IL33: variants seen among roughly 807,000 people sequenced by gnomAD.
IL33 encodes the protein interleukin-33.
IL33 carries 37 observed loss-of-function variants against 27.3 expected under a neutral mutation model. The observed-to-expected ratio is 1.36, with a 90% CI of 1.04 to 1.78. The LOEUF is 1.78. Ranked by LOEUF, IL33 falls within the 40% of genes most tolerant of loss-of-function variation. The pLI is 0.00. For synonymous variants in IL33, 132 were observed against 102.9 expected, an observed-to-expected ratio of 1.28 and a Z score of -1.71; for missense variants, 406 against 311.4, an observed-to-expected ratio of 1.30 and a Z score of -2.29.
chr9:6,240,097 T>A (rs972364487), intron 1 of IL33, among the ~76,000 whole-genome samples: 4 of 152,206 alleles, frequency 2.6e-5, no homozygotes, highest in African/African-American at 9.6e-5. Flanking sequence ...AGTACCAGTA[T>A]TTCCACTATC....
intron 2 of IL33, among the ~76,000 whole-genome samples, chr9:6,244,192 C>A (rs1819694486): frequency 6.6e-6 from 1 of 152,086 alleles, no homozygotes; most frequent in Non-Finnish European, 1.5e-5. Flanking sequence ...GGAACAGTGG[C>A]CCTAACTACT....
intron 1 of IL33, 145 bp downstream of exon 1, chr9:6,215,997 A>G (rs1191870156): frequency 6.6e-6 from 1 of 152,214 alleles, no homozygotes. Flanking sequence ...GTAAAAGTCA[A>G]TGACAATAGC....
chr9:6,245,840 ATCATGAGG>A (rs1344367202), intron 2 of IL33, among the ~76,000 whole-genome samples: 1 of 151,998 alleles, frequency 6.6e-6, no homozygotes, highest in Non-Finnish European at 1.5e-5. Context: ...AGGCGGGCGG[ATCATGAGG>A]TCAAGAGATT....
intron 1 of IL33, among the ~76,000 whole-genome samples, chr9:6,222,524 C>G (rs1477824308): frequency 6.6e-6 from 1 of 152,134 alleles, no homozygotes; most frequent in African/African-American, 2.4e-5. Flanking sequence ...CTTTTCATAA[C>G]CTGTTCTATA....
At position 6,256,110 on chromosome 9, in the gene IL33, T is replaced by C. The variant is rs778219414; in HGVS notation, c.755T>C (p.Val252Ala). Reference protein sequence around the residue: ...VKDNHLALIKVDSSENLCTEN... With the variant: ...VKDNHLALIKADSSENLCTEN... ...GATAATCATCTTGCTCTGATTAAAG[T>C]AGACTCTTCTGAGAATTTGTGTACT... The change falls in exon 8 of 8, where the codon GTA (valine) becomes GCA (alanine). Residue 252 changes from valine (V) to alanine (A), a missense_variant. Physicochemically the swap from Val to Ala is moderately conservative, Grantham distance 64 (BLOSUM62 0). Coordinates refer to ENST00000682010, the MANE Select transcript of IL33 (RefSeq NM_033439.4). The C allele has an allele frequency of 2.5e-6, 4 of 1,613,344 alleles. No homozygotes were observed. Among genetic ancestry groups the C allele is most frequent in the Admixed American group, 1.7e-5 (1 of 59,946 alleles).
chr9:6,256,389 T>C lies in IL33; in HGVS notation c.*221T>C. On this transcript the variant is annotated 3_prime_UTR_variant, in exon 8 of 8. Transcript: ENST00000682010. ...CATCTTCAATACAAGTATCAGTATA[T>C]TAAATAGGGTATTGGTAAAGAAACG... The C allele has an allele frequency of 1.8e-6, 1 of 543,792 alleles. No individual in the cohort carries two copies. Among genetic ancestry groups the C allele is most frequent in the Admixed American group, 3.4e-5 (1 of 29,274 alleles). 33.7% of individuals were successfully genotyped at this position (543,792 alleles called of 1,614,324 possible). A position where few individuals can be genotyped will look rare whatever the true frequency, so the allele number is the denominator to read the frequency against.
chr9:6,238,682 G>A (rs529173180), intron 1 of IL33, among the ~76,000 whole-genome samples: 2 of 152,156 alleles, frequency 1.3e-5, no homozygotes. Context: ...TGTAACCACT[G>A]CTGGGATAAT....
intron 1 of IL33, among the ~76,000 whole-genome samples, chr9:6,222,495 T>C (rs540411646): frequency 1.3e-5 from 2 of 152,342 alleles, no homozygotes; most frequent in East Asian, 3.9e-4. Flanking sequence ...TTGTGGAATA[T>C]ATTACATGCT....
In IL33 at chr9:6,241,724, C is replaced by G; in HGVS notation, c.30C>G (p.Asn10Lys). The G allele has an allele frequency of 6.2e-7, 1 of 1,611,422 alleles. No individual in the cohort carries two copies. Residue 10 changes from asparagine (N) to lysine (K), a missense_variant, in exon 2 of 8, where the codon AAC becomes AAG. Transcript: ENST00000682010. MKPKMKYST[N>K]KISTAKWKNT... ...AGCCTAAAATGAAGTATTCAACCAACAAAATTTCCACAGCAAAGTGGAAGA... is the reference window on the plus strand; with the variant it reads ...AGCCTAAAATGAAGTATTCAACCAAGAAAATTTCCACAGCAAAGTGGAAGA...
At chr9:6,238,541 G>C (rs1232539257) in intron 1 of IL33, among the ~76,000 whole-genome samples, 2 of 152,200 alleles carry the variant, frequency 1.3e-5, no homozygotes, top group African/African-American at 2.4e-5. Flanking sequence ...TCAGCCTCCA[G>C]AGGTTTGTCC....
Position 6,252,885 on chromosome 9 carries a change from G to C in IL33, c.363G>C (p.Glu121Asp). 2.5e-6 allele frequency: 4 copies of C among 1,606,694 alleles called. No homozygotes were observed. Among genetic ancestry groups the C allele is most frequent in the Non-Finnish European group, 3.4e-6 (4 of 1,177,586 alleles). The stretch of plus-strand genomic sequence containing the variant: ...CAACAGGAATTTCACCTATTACAGA[G>C]TATCTTGCTTCTCTAAGCACATACA... ...SSITGISPIT[E>D]YLASLSTYND... The change falls in exon 5 of 8, where the codon GAG becomes GAC. Residue 121 changes from glutamate (E) to aspartate (D), a missense_variant. Physicochemically the swap from Glu to Asp is conservative, Grantham distance 45. Transcript: ENST00000682010.
At chr9:6,228,278 T>C (rs1818738812) in intron 1 of IL33, among the ~76,000 whole-genome samples, 1 of 152,032 alleles carries the variant, frequency 6.6e-6, no homozygotes, top group Non-Finnish European at 1.5e-5. Flanking sequence ...ACTTCAGTCC[T>C]GGTTACAGAC....
chr9:6,240,660 A>G (rs1819475806), intron 1 of IL33, among the ~76,000 whole-genome samples: 1 of 152,212 alleles, frequency 6.6e-6, no homozygotes. Context: ...AGGTGAGTTA[A>G]TAAGTAGTGA....
At chr9:6,241,542 A>T in intron 1 of IL33, 142 bp from the exon 2 acceptor site, 1 of 542,092 alleles carries the variant, frequency 1.8e-6, no homozygotes, top group Non-Finnish European at 3.4e-6. Context: ...ATGCATAGTT[A>T]GAATACTACG....
intron 1 of IL33, among the ~76,000 whole-genome samples, chr9:6,227,293 T>C (rs1199824410): frequency 2.0e-5 from 3 of 152,250 alleles, no homozygotes; most frequent in African/African-American, 7.2e-5. Flanking sequence ...CTTTATGTAA[T>C]TCTTCCTCTT....
chr9:6,225,596 C>T (rs1293458270), intron 1 of IL33, among the ~76,000 whole-genome samples: 1 of 152,222 alleles, frequency 6.6e-6, no homozygotes, highest in East Asian at 1.9e-4. Context: ...CTGCAAATAT[C>T]AAATGTTTAT....
intron 1 of IL33, among the ~76,000 whole-genome samples, chr9:6,221,408 C>T (rs1422625675): frequency 6.6e-6 from 1 of 152,178 alleles, no homozygotes; most frequent in South Asian, 2.1e-4. Flanking sequence ...ATGCTTACAT[C>T]TGGCTGTCCA....
intron 1 of IL33, among the ~76,000 whole-genome samples, chr9:6,220,357 T>C (rs1213845330): frequency 6.6e-6 from 1 of 152,212 alleles, no homozygotes; most frequent in Non-Finnish European, 1.5e-5. Context: ...ATTTCCGACA[T>C]AGTTCCTAGC....
chr9:6,224,727 A>G lies in IL33; in HGVS notation c.-12+8875A>G, dbSNP rs535697180. ...TAATTTTTCATGCATACATGCACAT[A>G]CATGCAATAGTATCTTTTCATGAAC... On this transcript the variant is annotated intron_variant, in intron 1 of 7. Coordinates refer to ENST00000682010, the MANE Select transcript of IL33 (RefSeq NM_033439.4). Among the ~76,000 whole-genome samples, 17 of 152,334 alleles carry G rather than the reference A, an allele frequency of 1.1e-4. No homozygotes were observed. In the South Asian group the frequency reaches 3.1e-3, roughly 28 times the overall value.
Sources: allele counts gnomAD v4.1 joint callset (sites outside exome capture counted in the v4.1 genomes callset), GRCh38; gene constraint gnomAD v4.1.1; transcripts MANE v1.5; gene names NCBI Gene and HGNC (gene_info 2026-07-23, HGNC 2026-07-21).